Variants in CHMP2B observed in about 807,000 individuals in gnomAD.
CHMP2B encodes the protein charged multivesicular body protein 2B.
CHMP2B carries 22 observed loss-of-function variants against 29.8 expected under a neutral mutation model. The ratio of observed to expected loss-of-function variants is 0.74; its 90% confidence interval spans 0.53 to 1.05. The LOEUF is 1.05. Among genes scored for constraint, CHMP2B ranks in the 50% least tolerant of loss-of-function variants. CHMP2B has a pLI of 0.00. For missense variants in CHMP2B, 261 were observed against 252.2 expected (o/e 1.03, Z -0.24); for synonymous variants, 78 against 75.8 (o/e 1.03, Z -0.15).
At chr3:87,250,343 T>G (rs181974406) in intron 4 of CHMP2B, among the ~76,000 whole-genome samples, 1 of 151,928 alleles carries the variant, frequency 6.6e-6, no homozygotes, top group Admixed American at 6.6e-5. Context: ...TTATTCTCAC[T>G]TTTTTTCCCT....
rs143961019 is a variant in CHMP2B, at chr3:87,248,442, C to G, written c.322-1433C>G. On this transcript the variant is annotated intron_variant, in intron 3 of 5. Coordinates refer to ENST00000263780, the MANE Select transcript of CHMP2B (RefSeq NM_014043.4). ...GCGTGATCTTGGCTCACTGCAACCC[C>G]TGCCTCCAGGTTCAAGTGATTCTCC... Among the ~76,000 whole-genome samples the G allele has an allele frequency of 6.5e-3, 989 of 151,916 alleles. 10 individuals carry two copies. Among genetic ancestry groups the G allele is most frequent in the African/African-American group, 0.023 (935 of 41,504 alleles).
At chr3:87,252,074 T>G (rs577471254) in intron 4 of CHMP2B, among the ~76,000 whole-genome samples, 1 of 152,094 alleles carries the variant, frequency 6.6e-6, no homozygotes, top group East Asian at 1.9e-4. Flanking sequence ...AAGGAAGTAT[T>G]TAGCTTATGA....
At chr3:87,237,627 A>T (rs1367622084) in intron 1 of CHMP2B, among the ~76,000 whole-genome samples, 2 of 152,358 alleles carry the variant, frequency 1.3e-5, no homozygotes, top group Non-Finnish European at 2.9e-5. Context: ...GATATTTCTT[A>T]AAAACAGTTC....
At chr3:87,252,634 A>G (rs1209113656) in intron 4 of CHMP2B, among the ~76,000 whole-genome samples, 1 of 151,380 alleles carries the variant, frequency 6.6e-6, no homozygotes, top group African/African-American at 2.4e-5. Context: ...CTGTTTCTTA[A>G]TTTTTTTCTT....
chr3:87,250,324 TG>T (rs1266109765), intron 4 of CHMP2B, among the ~76,000 whole-genome samples: 1 of 151,976 alleles, frequency 6.6e-6, no homozygotes, highest in African/African-American at 2.4e-5. Flanking sequence ...GCTCTTTTTT[TG>T]TTTGTTTTTA....
intron 4 of CHMP2B, among the ~76,000 whole-genome samples, chr3:87,251,846 A>ATT (rs11372394): frequency 7.6e-5 from 11 of 145,590 alleles, no homozygotes; most frequent in East Asian, 2.0e-4. Flanking sequence ...TACTTCATTC[A>ATT]TTTTTTTTTT....
At chr3:87,232,453 G>A (rs1379673664) in intron 1 of CHMP2B, among the ~76,000 whole-genome samples, 2 of 151,990 alleles carry the variant, frequency 1.3e-5, no homozygotes, top group Admixed American at 1.3e-4. Flanking sequence ...CCTTATTCTG[G>A]ATATTTAAAA....
chr3:87,232,649 A>T (rs990315583), intron 1 of CHMP2B, among the ~76,000 whole-genome samples: 8 of 152,190 alleles, frequency 5.3e-5, no homozygotes, highest in Non-Finnish European at 1.0e-4. Context: ...CATCCCCAGC[A>T]TGACAACAAA....
chr3:87,227,331 T>C lies in CHMP2B; in HGVS notation c.-192T>C. ...TGTGTTAGTTCCCGGTCACCTGAGC[T>C]CCGGGTGACGCGGCTGCGGTAGCTG... is the stretch of plus-strand genomic sequence containing the variant. On this transcript the variant is annotated 5_prime_UTR_variant, in exon 1 of 6. Transcript: ENST00000263780. The C allele has an allele frequency of 1.6e-6, 1 of 641,206 alleles. No individual in the cohort carries two copies. The highest frequency in any genetic ancestry group is 1.8e-5 in the South Asian group (1 of 56,032). The allele number at this position is 641,206 out of a possible 1,614,324, so 39.7% of individuals were successfully genotyped here. A position where few individuals can be genotyped will look rare whatever the true frequency, so the allele number is the denominator to read the frequency against.
chr3:87,241,179 CGTT>C (rs1559607707), intron 2 of CHMP2B, among the ~76,000 whole-genome samples: 4 of 152,080 alleles, frequency 2.6e-5, no homozygotes, highest in East Asian at 1.9e-4. Context: ...TTTTAAAGAT[CGTT>C]GTGTCTTTGA....
chr3:87,251,099 ATAACATT>A (rs1484133162), intron 4 of CHMP2B, among the ~76,000 whole-genome samples: 1 of 151,974 alleles, frequency 6.6e-6, no homozygotes, highest in African/African-American at 2.4e-5. Flanking sequence ...ACAGCATTTA[ATAACATT>A]TAGTGTATAA....
intron 1 of CHMP2B, among the ~76,000 whole-genome samples, chr3:87,234,181 G>C (rs985961203): frequency 1.3e-5 from 2 of 152,180 alleles, no homozygotes; most frequent in African/African-American, 4.8e-5. Flanking sequence ...TGAACTAATG[G>C]TAGGGAGGAC....
In CHMP2B at chr3:87,253,957, T is replaced by C. The variant is rs1433031898; in HGVS notation, c.*135T>C. The C allele has an allele frequency of 1.4e-5, 9 of 633,940 alleles. No homozygotes were observed. Among genetic ancestry groups the C allele is most frequent in the Non-Finnish European group, 2.5e-5 (9 of 361,702 alleles). The allele number at this position is 633,940 out of a possible 1,614,324, so 39.3% of individuals were successfully genotyped here. ...AGACCATGAGTGAACAGTTGTTTCC[T>C]AACCCATGGCTATTTAGAATCTTTT... is the stretch of plus-strand genomic sequence containing the variant. On this transcript the variant is annotated 3_prime_UTR_variant, in exon 6 of 6. Coordinates refer to ENST00000263780, the MANE Select transcript of CHMP2B (RefSeq NM_014043.4).
chr3:87,231,590 A>G (rs1478047287), intron 1 of CHMP2B, among the ~76,000 whole-genome samples: 1 of 152,088 alleles, frequency 6.6e-6, no homozygotes, highest in Non-Finnish European at 1.5e-5. Context: ...CACCAACAGG[A>G]TCCACTGTGA....
chr3:87,251,168 C>G (rs1306575990), intron 4 of CHMP2B, among the ~76,000 whole-genome samples: 2 of 151,728 alleles, frequency 1.3e-5, no homozygotes, highest in Non-Finnish European at 3.0e-5. Context: ...TTCTAGTATT[C>G]TATTTCAGTA....
At chr3:87,233,964 T>G (rs1705953092) in intron 1 of CHMP2B, among the ~76,000 whole-genome samples, 1 of 152,200 alleles carries the variant, frequency 6.6e-6, no homozygotes, top group South Asian at 2.1e-4. Context: ...GTAGATCAGC[T>G]TGAATCCTGC....
intron 3 of CHMP2B, among the ~76,000 whole-genome samples, chr3:87,248,147 A>T (rs998495474): frequency 6.6e-6 from 1 of 151,684 alleles, no homozygotes; most frequent in Non-Finnish European, 1.5e-5. Flanking sequence ...AAAATACAAA[A>T]ATTAGCTGGG....
At chr3:87,227,616 C>T (rs777217524) in intron 1 of CHMP2B, 60 bp downstream of exon 1, 3 of 1,604,046 alleles carry the variant, frequency 1.9e-6, no homozygotes, top group South Asian at 2.2e-5. Context: ...TCTTTCGAGG[C>T]CTGCTGGCCG....
chr3:87,234,233 G>C (rs1705959283), intron 1 of CHMP2B, among the ~76,000 whole-genome samples: 1 of 152,224 alleles, frequency 6.6e-6, no homozygotes, highest in Non-Finnish European at 1.5e-5. Context: ...ACCCCAAGTA[G>C]AGAATTCTGG....
Sources: allele counts gnomAD v4.1 joint callset (sites outside exome capture counted in the v4.1 genomes callset), GRCh38; gene constraint gnomAD v4.1.1; transcripts MANE v1.5; gene names NCBI Gene and HGNC (gene_info 2026-07-23, HGNC 2026-07-21).